LIMD1: variants seen among roughly 807,000 people sequenced by gnomAD.
LIMD1 encodes LIM domain containing 1, also known as LIM domain-containing protein 1.
LIMD1 carries 23 observed loss-of-function variants against 58.4 expected under a neutral mutation model. That is an observed-to-expected ratio of 0.39 (90% CI 0.28 to 0.56). The LOEUF (loss-of-function observed/expected upper bound fraction) is 0.56, where lower values mean the gene tolerates loss of function less well. Among genes scored for constraint, LIMD1 ranks in the 20% least tolerant of loss-of-function variants. LIMD1 has a pLI of 0.57. For synonymous variants in LIMD1, 334 were observed against 345.5 expected (o/e 0.97, Z 0.37); for missense variants, 838 against 855.5 (o/e 0.98, Z 0.25).
chr3:45,611,577 G>T (rs1312206423), intron 1 of LIMD1, among the ~76,000 whole-genome samples: 1 of 152,210 alleles, frequency 6.6e-6, no homozygotes, highest in Admixed American at 6.5e-5. Flanking sequence ...CTCATCAGGG[G>T]CCACAGGCTA....
At chr3:45,623,089 C>T (rs1701641412) in intron 1 of LIMD1, among the ~76,000 whole-genome samples, 1 of 152,178 alleles carries the variant, frequency 6.6e-6, no homozygotes, top group African/African-American at 2.4e-5. Flanking sequence ...TGTTATCATC[C>T]TTATTTTCCA....
At chr3:45,632,620 G>A in intron 1 of LIMD1, 2 of 888,716 alleles carry the variant, frequency 2.3e-6, no homozygotes, top group South Asian at 1.0e-4. Flanking sequence ...ACTCACACTT[G>A]TTTCCTTGAG....
intron 1 of LIMD1, among the ~76,000 whole-genome samples, chr3:45,604,771 C>G (rs1444948036): frequency 6.6e-6 from 1 of 152,196 alleles, no homozygotes; most frequent in African/African-American, 2.4e-5. Flanking sequence ...CGCGTCCCGA[C>G]ATGGATTCCC....
intron 1 of LIMD1, among the ~76,000 whole-genome samples, chr3:45,614,854 CACCGATCATCCTACTCTA>C (rs2125652133): frequency 6.7e-6 from 1 of 148,252 alleles, no homozygotes; most frequent in South Asian, 2.1e-4. Flanking sequence ...TTGGAAAGGT[CACCGATCATCCTACTCTA>C]GGGATAATCA....
chr3:45,628,760 A>G (rs1487507771), intron 1 of LIMD1, among the ~76,000 whole-genome samples: 1 of 152,244 alleles, frequency 6.6e-6, no homozygotes, highest in Non-Finnish European at 1.5e-5. Context: ...GAAACAACTT[A>G]TGTGCATCAA....
chr3:45,616,331 C>T (rs1469887666), intron 1 of LIMD1, among the ~76,000 whole-genome samples: 2 of 152,150 alleles, frequency 1.3e-5, no homozygotes, highest in Non-Finnish European at 2.9e-5. Context: ...GACAGCTGGA[C>T]AAGTGTCAAT....
At position 45,674,275 on chromosome 3, in the gene LIMD1, G is replaced by A. The variant is rs2742409; in HGVS notation, c.1825-68G>A. 388,403 of 1,196,336 alleles carry A rather than the reference G, an allele frequency of 0.32. 67,261 individuals are homozygous for A. The highest frequency in any genetic ancestry group is 0.38 in the Middle Eastern group (1,992 of 5,250). 74.1% of individuals were successfully genotyped at this position (1,196,336 alleles called of 1,614,324 possible). On this transcript the variant is annotated intron_variant, in intron 6 of 7. Transcript: ENST00000273317. Reference sequence around the variant, plus strand: ...AAACCCTCTTCCCTCCCCACCCCACGGTACATCAAGCCCGACAGCCCCCCT... The same window carrying A: ...AAACCCTCTTCCCTCCCCACCCCACAGTACATCAAGCCCGACAGCCCCCCT...
intron 1 of LIMD1, among the ~76,000 whole-genome samples, chr3:45,630,352 A>G (rs1395643337): frequency 2.0e-5 from 3 of 152,194 alleles, no homozygotes; most frequent in Non-Finnish European, 4.4e-5. Flanking sequence ...CTACAAGGGC[A>G]TGGCCACAGT....
chr3:45,605,177 G>C (rs1422760811), intron 1 of LIMD1, among the ~76,000 whole-genome samples: 1 of 152,226 alleles, frequency 6.6e-6, no homozygotes, highest in Non-Finnish European at 1.5e-5. Flanking sequence ...CCAAAGTCCT[G>C]TGACAGTGGC....
At chr3:45,605,362 C>G (rs1197461931) in intron 1 of LIMD1, among the ~76,000 whole-genome samples, 1 of 152,264 alleles carries the variant, frequency 6.6e-6, no homozygotes. Flanking sequence ...GTTATGGTTA[C>G]ATTTGCAATT....
At chr3:45,647,462 C>T (rs60482319) in intron 2 of LIMD1, among the ~76,000 whole-genome samples, 4,616 of 152,280 alleles carry the variant, frequency 0.03, 75 homozygotes, top group Non-Finnish European at 0.041. Context: ...CCTGGGGGTC[C>T]GGCAAATCCA....
intron 1 of LIMD1, among the ~76,000 whole-genome samples, chr3:45,601,089 C>T (rs578043536): frequency 6.1e-4 from 93 of 152,218 alleles, no homozygotes; most frequent in Admixed American, 1.7e-3. Context: ...ACAAAAAACC[C>T]CACAAATAAA....
chr3:45,643,356 A>G (rs779854582), intron 2 of LIMD1, among the ~76,000 whole-genome samples: 26 of 152,040 alleles, frequency 1.7e-4, no homozygotes, highest in Admixed American at 3.3e-4. Flanking sequence ...GTGGTGGCAC[A>G]TGCCTATAAT....
At chr3:45,652,205 G>T (rs993600225) in intron 2 of LIMD1, among the ~76,000 whole-genome samples, 3 of 152,206 alleles carry the variant, frequency 2.0e-5, no homozygotes, top group African/African-American at 7.2e-5. Context: ...GGCATTACAG[G>T]TGAGAGCCAC....
intron 2 of LIMD1, among the ~76,000 whole-genome samples, chr3:45,662,866 C>G (rs1453889559): frequency 1.3e-5 from 2 of 152,070 alleles, no homozygotes; most frequent in African/African-American, 4.8e-5. Flanking sequence ...TGCCTGTAAT[C>G]CCAGTTGCTT....
rs1193454400 is a variant in LIMD1 at position 45,650,497 on chromosome 3, C to T, written c.1510+14246C>T. Among the ~76,000 whole-genome samples the T allele has an allele frequency of 3.4e-5, 5 of 146,922 alleles. No individual in the cohort carries two copies. The Admixed American group carries it at 3.4e-4, about 10-fold the overall frequency. ...GCTATCCCTCCCCCAGCCCCCCACC[C>T]CCCCCAACAGGCCCCAGTGTGTGAT... On this transcript the variant is annotated intron_variant, in intron 2 of 7. Transcript: ENST00000273317.
chr3:45,657,618 CAA>C (rs1217445632), intron 2 of LIMD1, among the ~76,000 whole-genome samples: 1 of 151,926 alleles, frequency 6.6e-6, no homozygotes, highest in Non-Finnish European at 1.5e-5. Context: ...GGTGTGCATC[CAA>C]CAAGCATTAA....
At chr3:45,628,271 C>A (rs1050792245) in intron 1 of LIMD1, among the ~76,000 whole-genome samples, 1 of 151,868 alleles carries the variant, frequency 6.6e-6, no homozygotes, top group South Asian at 2.1e-4. Context: ...CTTTGTGAAG[C>A]AATATCTGAT....
At chr3:45,603,443 G>A (rs574576250) in intron 1 of LIMD1, among the ~76,000 whole-genome samples, 1 of 151,970 alleles carries the variant, frequency 6.6e-6, no homozygotes, top group African/African-American at 2.4e-5. Flanking sequence ...CTGAGTGACT[G>A]GCATGACTAG....
Sources: gnomAD v4.1 joint callset for allele counts (sites outside exome capture counted in the v4.1 genomes callset) on GRCh38, gnomAD v4.1.1 for gene constraint, MANE v1.5 for transcripts, NCBI Gene and HGNC (gene_info 2026-07-23, HGNC 2026-07-21) for gene names.